GABRA5: variants seen among roughly 807,000 people sequenced by gnomAD.
The protein encoded by GABRA5 is gamma-aminobutyric acid type A receptor subunit alpha5.
GABRA5 carries 18 observed loss-of-function variants against 47.3 expected under a neutral mutation model. The observed-to-expected ratio is 0.38, with a 90% CI of 0.26 to 0.56. GABRA5 has a LOEUF of 0.56. Ranked by LOEUF, GABRA5 falls within the 20% of genes least tolerant of loss-of-function variation. The probability of loss-of-function intolerance (pLI) is 0.71; values close to 1 mark genes in which losing one functional copy is unlikely to be tolerated. For missense variants in GABRA5, 365 were observed against 599.3 expected (o/e 0.61, Z 4.08); for synonymous variants, 237 against 229.3 (o/e 1.03, Z -0.30).
chr15:26,893,607 C>A (rs569228723), intron 6 of GABRA5, among the ~76,000 whole-genome samples: 33 of 152,080 alleles, frequency 2.2e-4, no homozygotes, highest in African/African-American at 8.0e-4. Flanking sequence ...TTCCCGCTCG[C>A]CCATCCCTTC....
chr15:26,903,237 T>C (rs1893366054), intron 6 of GABRA5, among the ~76,000 whole-genome samples: 1 of 152,152 alleles, frequency 6.6e-6, no homozygotes, highest in South Asian at 2.1e-4. Context: ...TGTGTCAGTT[T>C]GCTAAGGATA....
intron 6 of GABRA5, among the ~76,000 whole-genome samples, chr15:26,914,136 T>A (rs956576110): frequency 1.3e-5 from 2 of 152,100 alleles, no homozygotes; most frequent in African/African-American, 4.8e-5. Context: ...CTCGGTGATA[T>A]TATAATTTGG....
intron 3 of GABRA5, among the ~76,000 whole-genome samples, chr15:26,870,884 A>T (rs569326308): frequency 6.6e-6 from 1 of 152,326 alleles, no homozygotes; most frequent in Non-Finnish European, 1.5e-5. Flanking sequence ...TTGGAAACTT[A>T]TATTTTCTTT....
At chr15:26,939,669 C>T (rs2140587156) in intron 8 of GABRA5, 2 of 596,222 alleles carry the variant, frequency 3.4e-6, no homozygotes, top group South Asian at 4.1e-5. Context: ...ATTAGTAAAA[C>T]ACACAAATCT....
chr15:26,878,545 T>C (rs1233877574), intron 3 of GABRA5, among the ~76,000 whole-genome samples: 1 of 152,038 alleles, frequency 6.6e-6, no homozygotes, highest in Non-Finnish European at 1.5e-5. Context: ...CCTACCCCGA[T>C]AGGCATCATC....
intron 7 of GABRA5, among the ~76,000 whole-genome samples, chr15:26,925,154 C>T (rs1433479988): frequency 1.3e-5 from 2 of 152,012 alleles, no homozygotes; most frequent in East Asian, 3.9e-4. Flanking sequence ...CCTCTTGAAT[C>T]TAAATTTGTC....
intron 7 of GABRA5, among the ~76,000 whole-genome samples, chr15:26,925,923 A>G (rs1893950861): frequency 6.6e-6 from 1 of 152,218 alleles, no homozygotes; most frequent in Non-Finnish European, 1.5e-5. Flanking sequence ...TGCTCCCCGC[A>G]TGCATATGCA....
At chr15:26,943,187 T>G (rs1894425923) in intron 9 of GABRA5, 28 bp from the exon 10 acceptor site, 3 of 1,534,028 alleles carry the variant, frequency 2.0e-6, no homozygotes, top group Non-Finnish European at 2.6e-6. Context: ...GTTTCCGTTT[T>G]TCACTCTGCC....
intron 7 of GABRA5, among the ~76,000 whole-genome samples, chr15:26,930,730 G>T (rs996144232): frequency 3.3e-5 from 5 of 152,018 alleles, no homozygotes; most frequent in Admixed American, 2.0e-4. Flanking sequence ...TCATGAAAAT[G>T]TAGGCTTCTT....
Position 26,943,224 on chromosome 15 carries a change from C to G in GABRA5, c.887C>G (p.Thr296Arg), listed in dbSNP as rs748825379. The change falls in exon 10 of 11, where the codon ACG becomes AGG. Residue 296 changes from threonine (T) to arginine (R), a missense_variant. Thr to Arg is a moderately conservative substitution (Grantham distance 71). Coordinates refer to ENST00000335625, the MANE Select transcript of GABRA5 (RefSeq NM_000810.4). ...TGCCTGACCCCCGCAGGGGTCACCA[C>G]GGTGCTGACCATGACGACCCTCAGC... is the stretch of plus-strand genomic sequence containing the variant. ...VPARTVFGVT[T>R]VLTMTTLSIS... The G allele has an allele frequency of 1.3e-6, 2 of 1,553,756 alleles. No individual in the cohort carries two copies. The highest frequency in any genetic ancestry group is 1.4e-5 in the African/African-American group (1 of 73,190).
At chr15:26,869,398 A>T (rs937727262) in intron 3 of GABRA5, 64 bp downstream of exon 3, 1 of 976,774 alleles carries the variant, frequency 1.0e-6, no homozygotes, top group South Asian at 1.3e-5. Context: ...CAGACATGTT[A>T]CGGGAGCAGC....
intron 6 of GABRA5, among the ~76,000 whole-genome samples, chr15:26,888,863 C>T (rs1892939690): frequency 6.6e-6 from 1 of 152,154 alleles, no homozygotes; most frequent in Admixed American, 6.5e-5. Flanking sequence ...AGAGCAAGTC[C>T]CCCCGGTAGG....
intron 9 of GABRA5, among the ~76,000 whole-genome samples, chr15:26,940,510 G>C (rs983897817): frequency 6.6e-6 from 1 of 151,928 alleles, no homozygotes; most frequent in Non-Finnish European, 1.5e-5. Flanking sequence ...TGAGCTCCAC[G>C]GAGCATTTTC....
At chr15:26,934,278 A>G (rs1439105447) in intron 7 of GABRA5, among the ~76,000 whole-genome samples, 1 of 151,760 alleles carries the variant, frequency 6.6e-6, no homozygotes, top group Non-Finnish European at 1.5e-5. Context: ...GAAAGAAAGA[A>G]AAAAAAGGAA....
At chr15:26,927,270 ATT>A (rs11400477) in intron 7 of GABRA5, among the ~76,000 whole-genome samples, 2 of 142,238 alleles carry the variant, frequency 1.4e-5, no homozygotes, top group African/African-American at 5.2e-5. Flanking sequence ...TGTCCAGCTA[ATT>A]TTTTTTTTTT....
At chr15:26,911,371 G>A (rs76493132) in intron 6 of GABRA5, among the ~76,000 whole-genome samples, 1,882 of 118,392 alleles carry the variant, frequency 0.016, 17 homozygotes, top group Middle Eastern at 0.045. Flanking sequence ...CTTGCTGCAT[G>A]CACACACACA....
At chr15:26,937,062 C>T (rs1894260126) in intron 7 of GABRA5, 123 bp from the exon 8 acceptor site, 3 of 1,221,392 alleles carry the variant, frequency 2.5e-6, no homozygotes, top group East Asian at 2.3e-5. Flanking sequence ...TTTTTTAGGT[C>T]ATGGAACCTT....
At chr15:26,871,374 C>A (rs1892467928) in intron 3 of GABRA5, among the ~76,000 whole-genome samples, 1 of 152,126 alleles carries the variant, frequency 6.6e-6, no homozygotes, top group East Asian at 1.9e-4. Context: ...TTATTTAGTT[C>A]TGTAGCTTGC....
Position 26,943,488 on chromosome 15 carries a change from T to C in GABRA5, c.1089+62T>C, listed in dbSNP as rs902407170. 2.8e-6 allele frequency: 4 copies of C among 1,414,816 alleles called. No individual in the cohort carries two copies. In the African/African-American group the frequency reaches 5.7e-5, roughly 20 times the overall value. 87.6% of individuals were successfully genotyped at this position (1,414,816 alleles called of 1,614,324 possible). Reference sequence around the variant, plus strand: ...TTGACAGAGAAAGTGTGCCTGATTCTATCCAAACATGAGACAAGGTGCTGC... The same window carrying C: ...TTGACAGAGAAAGTGTGCCTGATTCCATCCAAACATGAGACAAGGTGCTGC... On this transcript the variant is annotated intron_variant, in intron 10 of 10. Transcript: ENST00000335625.
Sources: gnomAD v4.1 joint callset for allele counts (sites outside exome capture counted in the v4.1 genomes callset) on GRCh38, gnomAD v4.1.1 for gene constraint, MANE v1.5 for transcripts, NCBI Gene and HGNC (gene_info 2026-07-23, HGNC 2026-07-21) for gene names.